Variants in C13orf42 observed in about 807,000 individuals in gnomAD.
The protein encoded by C13orf42 is uncharacterized protein C13orf42.
intron 1 of C13orf42, among the ~76,000 whole-genome samples, chr13:51,140,750 G>A (rs1369814700): frequency 2.0e-5 from 3 of 152,068 alleles, no homozygotes; most frequent in Admixed American, 6.6e-5. Flanking sequence ...ACTCCTTTAT[G>A]GAGTTTGAGC....
intron 2 of C13orf42, among the ~76,000 whole-genome samples, chr13:51,086,402 A>C (rs903031491): frequency 1.3e-5 from 2 of 151,974 alleles, no homozygotes; most frequent in South Asian, 2.1e-4. Flanking sequence ...GTAAATTGTT[A>C]AATGAAAGGA....
Position 51,083,910 on chromosome 13 carries a change from C to T in C13orf42, c.*241G>A, listed in dbSNP as rs950697159. The T allele has an allele frequency of 5.9e-6, 2 of 336,332 alleles. No homozygotes were observed. Among genetic ancestry groups the T allele is most frequent in the African/African-American group, 2.1e-5 (1 of 47,288 alleles). The allele number at this position is 336,332 out of a possible 1,614,324, so 20.8% of individuals were successfully genotyped here. On this transcript the variant is annotated 3_prime_UTR_variant, in exon 4 of 4. Transcript: ENST00000563710. ...CTTCAGCTCTTGAAGACCAGCCAGG[C>T]TGTAAGTCCCTGGTCATCAGCCCAC...
At chr13:51,152,194 T>G (rs568459506) in intron 1 of C13orf42, among the ~76,000 whole-genome samples, 2 of 152,248 alleles carry the variant, frequency 1.3e-5, no homozygotes, top group East Asian at 3.8e-4. Flanking sequence ...CCTACTGCTA[T>G]GTGACCATGC....
At chr13:51,130,014 C>A (rs1953604552) in intron 1 of C13orf42, among the ~76,000 whole-genome samples, 1 of 152,150 alleles carries the variant, frequency 6.6e-6, no homozygotes, top group South Asian at 2.1e-4. Context: ...AGTCCTTTAC[C>A]TGCTGAATGT....
At chr13:51,146,924 C>T (rs940866465) in intron 1 of C13orf42, among the ~76,000 whole-genome samples, 1 of 152,212 alleles carries the variant, frequency 6.6e-6, no homozygotes, top group Non-Finnish European at 1.5e-5. Flanking sequence ...GCACCCATCA[C>T]CAAACCAGGT....
intron 1 of C13orf42, among the ~76,000 whole-genome samples, chr13:51,094,094 G>T (rs1953208989): frequency 6.6e-6 from 1 of 152,138 alleles, no homozygotes; most frequent in African/African-American, 2.4e-5. Flanking sequence ...GGTGGATCCG[G>T]AGTCTCTTTG....
intron 1 of C13orf42, among the ~76,000 whole-genome samples, chr13:51,141,193 C>T (rs376525620): frequency 2.2e-3 from 314 of 143,406 alleles, no homozygotes; most frequent in African/African-American, 7.6e-3. Context: ...TTTTGTTTTT[C>T]TCTCCTAAGA....
intron 1 of C13orf42, among the ~76,000 whole-genome samples, chr13:51,136,820 A>G (rs12584035): frequency 0.12 from 18,906 of 152,244 alleles, 1,297 homozygotes; most frequent in African/African-American, 0.16. Context: ...GCATTCACGC[A>G]TTGGGTCATT....
At chr13:51,146,547 C>T (rs539999956) in intron 1 of C13orf42, among the ~76,000 whole-genome samples, 59 of 152,290 alleles carry the variant, frequency 3.9e-4, no homozygotes, top group African/African-American at 1.3e-3. Context: ...TGGTTTTATA[C>T]ATTTTAGGGA....
intron 1 of C13orf42, among the ~76,000 whole-genome samples, chr13:51,140,379 G>A (rs1276449910): frequency 2.0e-5 from 3 of 152,156 alleles, no homozygotes; most frequent in South Asian, 2.1e-4. Context: ...GCTGTGACAC[G>A]AGCACGTCCT....
At chr13:51,116,847 G>C (rs529003555) in intron 1 of C13orf42, among the ~76,000 whole-genome samples, 1 of 152,222 alleles carries the variant, frequency 6.6e-6, no homozygotes, top group African/African-American at 2.4e-5. Flanking sequence ...GCACAAATGG[G>C]GAGCCTCTCC....
upstream of C13orf42, among the ~76,000 whole-genome samples, chr13:51,112,142 C>T (rs569945535): frequency 1.3e-5 from 2 of 152,324 alleles, no homozygotes; most frequent in South Asian, 4.1e-4. Flanking sequence ...TTTTCTCAGG[C>T]AGATGCTAAA....
intron 1 of C13orf42, among the ~76,000 whole-genome samples, chr13:51,122,546 A>G (rs1953544695): frequency 1.3e-5 from 2 of 149,780 alleles, no homozygotes; most frequent in South Asian, 4.1e-4. Context: ...AAGAAAAAAA[A>G]AAAAAAGAAA....
chr13:51,146,342 G>C lies in C13orf42; in HGVS notation n.136+25911C>G, dbSNP rs766873032. Reference sequence around the variant, plus strand: ...CCCCTTTCTTCATCTGTCAGCTACGGTCCATGTGGAACAAAACAAGCCTGT... The same window carrying C: ...CCCCTTTCTTCATCTGTCAGCTACGCTCCATGTGGAACAAAACAAGCCTGT... On this transcript the variant is annotated intron_variant and non_coding_transcript_variant, in intron 1 of 4. Transcript: ENST00000433280. Among the ~76,000 whole-genome samples the C allele has an allele frequency of 2.0e-3, 297 of 152,178 alleles. 3 individuals carry two copies. In the Middle Eastern group the frequency reaches 0.02, roughly 10 times the overall value.
Position 51,110,950 on chromosome 13 carries a change from T to A in C13orf42, c.260A>T (p.Gln87Leu). Residue 87 changes from glutamine (Q) to leucine (L), a missense_variant, in exon 1 of 4, where the codon CAG (glutamine) becomes CTG (leucine). Physicochemically the swap from Gln to Leu is moderately radical, Grantham distance 113. Transcript: ENST00000563710. ...WMYSRTQDCL[Q>L]YLQELLALRK... is the part of the protein sequence containing the mutation. Reference sequence around the variant, plus strand: ...CAAGGCCAGCAGCTCCTGCAGGTACTGCAGGCAGTCCTGGGTGCGCGAATA... The same window carrying A: ...CAAGGCCAGCAGCTCCTGCAGGTACAGCAGGCAGTCCTGGGTGCGCGAATA... 1 of 398,682 alleles carries A rather than the reference T, an allele frequency of 2.5e-6. No homozygotes were observed. Among genetic ancestry groups the A allele is most frequent in the Non-Finnish European group, 4.4e-6 (1 of 226,092 alleles). 24.7% of individuals were successfully genotyped at this position (398,682 alleles called of 1,614,324 possible).
At chr13:51,168,574 T>C (rs550927194) in intron 1 of C13orf42, among the ~76,000 whole-genome samples, 3 of 152,202 alleles carry the variant, frequency 2.0e-5, no homozygotes, top group South Asian at 2.1e-4. Flanking sequence ...TTTCGGACTA[T>C]GTAGATAAAG....
chr13:51,123,194 G>T (rs1239235264), intron 1 of C13orf42, among the ~76,000 whole-genome samples: 1 of 152,186 alleles, frequency 6.6e-6, no homozygotes, highest in African/African-American at 2.4e-5. Context: ...TTACAGGTCG[G>T]TCAGGATGGG....
chr13:51,114,814 C>A (rs183745581), upstream of C13orf42, among the ~76,000 whole-genome samples: 48 of 152,252 alleles, frequency 3.2e-4, no homozygotes, highest in Non-Finnish European at 5.9e-4. Context: ...CTCTAACGTA[C>A]AACATGAGGA....
At chr13:51,100,757 T>C (rs1566125632) in intron 1 of C13orf42, among the ~76,000 whole-genome samples, 1 of 152,138 alleles carries the variant, frequency 6.6e-6, no homozygotes, top group South Asian at 2.1e-4. Context: ...TGGAAAGTAA[T>C]ACGTAAAAGA....
Sources: gnomAD v4.1 joint callset for allele counts (sites outside exome capture counted in the v4.1 genomes callset) on GRCh38, gnomAD v4.1.1 for gene constraint, MANE v1.5 for transcripts, NCBI Gene and HGNC (gene_info 2026-07-23, HGNC 2026-07-21) for gene names.